Variants in RFX7 observed in about 807,000 individuals in gnomAD.
RFX7 encodes regulatory factor X7.
A neutral mutation model predicts 111.8 loss-of-function variants in RFX7; 26 were observed. The ratio of observed to expected loss-of-function variants is 0.23; its 90% CI spans 0.17 to 0.32. The LOEUF is 0.32. Ranked by LOEUF, RFX7 falls within the 10% of genes least tolerant of loss-of-function variation. The pLI is 1.00. For synonymous variants in RFX7, 624 were observed against 624.4 expected (o/e 1.00, Z 0.01); for missense variants, 1,573 against 1,772.9 (o/e 0.89, Z 2.02).
chr15:56,111,662 A>AAAAAAAAAAAAAAAAACC (rs2041934805), intron 5 of RFX7, among the ~76,000 whole-genome samples: 1 of 24,240 alleles, frequency 4.1e-5, no homozygotes, highest in African/African-American at 1.1e-4. Context: ...TAAATAAACC[A>AAAAAAAAAAAAAAAAACC]AAAAAAAAAA....
intron 2 of RFX7, among the ~76,000 whole-genome samples, chr15:56,214,793 T>C (rs1365404300): frequency 1.3e-5 from 2 of 152,216 alleles, no homozygotes; most frequent in African/African-American, 4.8e-5. Context: ...CTACTTGTTA[T>C]TGAAAATGTT....
chr15:56,105,293 A>T (rs937786870), intron 5 of RFX7, among the ~76,000 whole-genome samples: 2 of 152,140 alleles, frequency 1.3e-5, no homozygotes, highest in African/African-American at 4.8e-5. Flanking sequence ...TCTTTGCATG[A>T]GTTACAATTA....
chr15:56,236,175 T>G (rs1379045255), intron 2 of RFX7, among the ~76,000 whole-genome samples: 2 of 152,230 alleles, frequency 1.3e-5, no homozygotes, highest in East Asian at 3.8e-4. Flanking sequence ...CTCATGTTTC[T>G]ATTTTGTCTT....
At chr15:56,139,863 G>C (rs1315743323) in intron 5 of RFX7, among the ~76,000 whole-genome samples, 1 of 152,194 alleles carries the variant, frequency 6.6e-6, no homozygotes, top group African/African-American at 2.4e-5. Context: ...AGGTCTGTTG[G>C]AATACGCTGC....
chr15:56,227,787 T>C (rs2043502091), intron 2 of RFX7, among the ~76,000 whole-genome samples: 1 of 152,168 alleles, frequency 6.6e-6, no homozygotes, highest in Non-Finnish European at 1.5e-5. Flanking sequence ...TGTTATTTTA[T>C]TTTCATTTAT....
intron 5 of RFX7, among the ~76,000 whole-genome samples, chr15:56,136,573 T>C (rs2042306019): frequency 6.7e-6 from 1 of 149,206 alleles, no homozygotes; most frequent in African/African-American, 2.5e-5. Context: ...CAGGGACAAT[T>C]TGACTTCCTC....
At chr15:56,194,709 G>C (rs548745187) in intron 2 of RFX7, among the ~76,000 whole-genome samples, 1 of 152,092 alleles carries the variant, frequency 6.6e-6, no homozygotes, top group East Asian at 1.9e-4. Flanking sequence ...AAAACATTCG[G>C]AATCACACCA....
intron 5 of RFX7, among the ~76,000 whole-genome samples, chr15:56,111,106 G>C (rs767022791): frequency 0.16 from 21,561 of 131,732 alleles, 2,510 homozygotes; most frequent in Non-Finnish European, 0.23. Flanking sequence ...ACTGGGAAGT[G>C]AGGAGCCCCT....
At position 56,243,588 on chromosome 15, in the gene RFX7, C is replaced by T. The variant is rs1245142638; in HGVS notation, c.-146G>A. 4.3e-6 allele frequency: 3 copies of T among 699,244 alleles called. No homozygotes were observed. The highest frequency in any genetic ancestry group is 5.2e-6 in the Non-Finnish European group (3 of 576,288). The allele number at this position is 699,244 out of a possible 1,614,324, so 43.3% of individuals were successfully genotyped here. On this transcript the variant is annotated 5_prime_UTR_variant, in exon 1 of 10. Coordinates refer to ENST00000559447, the MANE Select transcript of RFX7 (RefSeq NM_022841.7). ...CCCCGCTGGCGCCGCCGCCTCCTCC[C>T]GTCAGCGGCCGGGGCTGTGGGGGGG...
In RFX7 at chr15:56,208,781, G is replaced by A. The variant is rs527582250; in HGVS notation, c.162-29478C>T. On this transcript the variant is annotated intron_variant, in intron 2 of 9. Transcript: ENST00000559447. Reference sequence around the variant, plus strand: ...TGTTTGATGGACTTAATGGTAGGCTGGACACAGCTGAGGTTAGAATCTCAG... The same window carrying A: ...TGTTTGATGGACTTAATGGTAGGCTAGACACAGCTGAGGTTAGAATCTCAG... 1.5e-4 allele frequency among the ~76,000 whole-genome samples: 23 copies of A among 152,212 alleles called. No individual in the cohort carries two copies. In the East Asian group the frequency reaches 4.3e-3, roughly 28 times the overall value.
At chr15:56,225,147 A>T (rs963238173) in intron 2 of RFX7, among the ~76,000 whole-genome samples, 1 of 152,192 alleles carries the variant, frequency 6.6e-6, no homozygotes, top group Non-Finnish European at 1.5e-5. Context: ...CTGTAGTCCA[A>T]AACAGCCAAA....
At chr15:56,173,471 C>T (rs1209688347) in intron 3 of RFX7, among the ~76,000 whole-genome samples, 3 of 152,132 alleles carry the variant, frequency 2.0e-5, no homozygotes, top group East Asian at 1.9e-4. Flanking sequence ...GTAATTGCAA[C>T]GAAAATCAGT....
intron 3 of RFX7, among the ~76,000 whole-genome samples, chr15:56,164,209 A>C (rs2042757057): frequency 6.6e-6 from 1 of 152,170 alleles, no homozygotes; most frequent in African/African-American, 2.4e-5. Flanking sequence ...CCAATCCAAA[A>C]ATTTTAGAAC....
Position 56,123,933 on chromosome 15 carries a change from G to A in RFX7, c.401+18845C>T, listed in dbSNP as rs567981193. Among the ~76,000 whole-genome samples the A allele has an allele frequency of 1.1e-4, 16 of 152,318 alleles. No homozygotes were observed. In the East Asian group the frequency reaches 2.9e-3, roughly 28 times the overall value. On this transcript the variant is annotated intron_variant, in intron 5 of 9. Transcript: ENST00000559447. The stretch of plus-strand genomic sequence containing the variant: ...TGCTGGGAGATGGGGGAGAGGTGGT[G>A]TCAGCAATTCAAGACTTTTTTTGTA...
intron 2 of RFX7, among the ~76,000 whole-genome samples, chr15:56,193,499 C>T (rs2043119366): frequency 6.6e-6 from 1 of 151,970 alleles, no homozygotes; most frequent in African/African-American, 2.4e-5. Context: ...ATTGAACTTC[C>T]TGTTTTGCTG....
intron 2 of RFX7, among the ~76,000 whole-genome samples, chr15:56,227,974 T>C (rs1165020777): frequency 2.0e-5 from 3 of 152,186 alleles, no homozygotes; most frequent in African/African-American, 7.2e-5. Context: ...TTTTGCTGGA[T>C]ACAAAATTCT....
chr15:56,178,182 C>CAT (rs2042924044), intron 3 of RFX7, among the ~76,000 whole-genome samples: 2 of 138,998 alleles, frequency 1.4e-5, no homozygotes, highest in East Asian at 2.0e-4. Flanking sequence ...CACACACACA[C>CAT]ACACACACAC....
At chr15:56,152,593 G>T (rs1285860348) in intron 3 of RFX7, among the ~76,000 whole-genome samples, 4 of 152,036 alleles carry the variant, frequency 2.6e-5, no homozygotes, top group Admixed American at 2.0e-4. Context: ...GCCCACAAGA[G>T]AAAGCAGGAA....
chr15:56,111,207 G>A (rs560695728), intron 5 of RFX7, among the ~76,000 whole-genome samples: 6 of 145,938 alleles, frequency 4.1e-5, no homozygotes, highest in Admixed American at 2.1e-4. Flanking sequence ...GAATAGAAAG[G>A]GGGGAAAGGT....
Sources: allele counts gnomAD v4.1 joint callset (sites outside exome capture counted in the v4.1 genomes callset), GRCh38; gene constraint gnomAD v4.1.1; transcripts MANE v1.5; gene names NCBI Gene and HGNC (gene_info 2026-07-23, HGNC 2026-07-21).